Variants in FNDC1 observed in about 807,000 individuals in gnomAD.
FNDC1 encodes fibronectin type III domain containing 1, also known as fibronectin type III domain-containing protein 1.
FNDC1 carries 96 observed loss-of-function variants against 168.0 expected under a neutral mutation model. The observed-to-expected ratio is 0.57, with a 90% CI of 0.48 to 0.68. FNDC1 has a LOEUF of 0.68. FNDC1 is among the 30% of genes least tolerant of loss of function. The pLI, the probability that FNDC1 is intolerant of heterozygous loss-of-function variation, is 0.00. For synonymous variants in FNDC1, 1,099 were observed against 1,025.9 expected (o/e 1.07, Z -1.36); for missense variants, 2,587 against 2,482.1 (o/e 1.04, Z -0.90).
chr6:159,259,202 C>G (rs1777431054), intron 18 of FNDC1, among the ~76,000 whole-genome samples: 1 of 152,110 alleles, frequency 6.6e-6, no homozygotes, highest in Non-Finnish European at 1.5e-5. Context: ...ATACTTTAGC[C>G]CATCAAAAAA....
chr6:159,203,423 A>G (rs551831014), intron 4 of FNDC1, among the ~76,000 whole-genome samples: 14 of 152,174 alleles, frequency 9.2e-5, no homozygotes, highest in Non-Finnish European at 2.1e-4. Context: ...ACCATGCCAG[A>G]GAGTCCTGGA....
chr6:159,213,643 G>A (rs1221638980), intron 4 of FNDC1, among the ~76,000 whole-genome samples: 3 of 151,856 alleles, frequency 2.0e-5, no homozygotes, highest in South Asian at 2.1e-4. Flanking sequence ...CATAAGACCA[G>A]TGTGTGTGTT....
intron 1 of FNDC1, among the ~76,000 whole-genome samples, chr6:159,196,808 A>G (rs1030718023): frequency 6.6e-6 from 1 of 152,234 alleles, no homozygotes; most frequent in African/African-American, 2.4e-5. Context: ...AAGTCAAGAT[A>G]AAAAAGTGAT....
intron 1 of FNDC1, among the ~76,000 whole-genome samples, chr6:159,183,937 T>C (rs1289842068): frequency 6.6e-6 from 1 of 152,272 alleles, no homozygotes; most frequent in African/African-American, 2.4e-5. Context: ...TCTTTGGTTC[T>C]GATTTATCTC....
chr6:159,229,018 T>G (rs1783020142), intron 9 of FNDC1, among the ~76,000 whole-genome samples: 1 of 152,222 alleles, frequency 6.6e-6, no homozygotes, highest in Admixed American at 6.5e-5. Flanking sequence ...TTGGGTTCAT[T>G]GAGAGGAAAT....
chr6:159,232,468 C>A lies in FNDC1; in HGVS notation c.1956C>A (p.Arg652=). Residue 652 remains arginine (R), a synonymous_variant, in exon 11 of 23, where the codon CGC becomes CGA. Transcript: ENST00000297267. This position sits in a 1 kb window ranked among gnomAD's most constrained non-coding sequence, Gnocchi z 4.9. ...TGGTGGACTCAGACGAAGATGAGCGCGCTGTGGGCTCCCTCCACCCCAAGG... is the reference window on the plus strand; with the variant it reads ...TGGTGGACTCAGACGAAGATGAGCGAGCTGTGGGCTCCCTCCACCCCAAGG... ...NDLVDSDEDE[R]AVGSLHPKGA... is the part of the protein sequence containing the mutation. 6.2e-7 allele frequency: 1 copy of A among 1,612,184 alleles called. No homozygotes were observed. The highest frequency in any genetic ancestry group is 8.5e-7 in the Non-Finnish European group (1 of 1,178,988).
chr6:159,190,675 A>C (rs752097672), intron 1 of FNDC1, among the ~76,000 whole-genome samples: 1 of 152,150 alleles, frequency 6.6e-6, no homozygotes, highest in East Asian at 1.9e-4. Flanking sequence ...AATAAACCTG[A>C]TATTTTGCTT....
intron 6 of FNDC1, 33 bp from the exon 7 acceptor site, chr6:159,223,495 A>G (rs1338947603): frequency 2.8e-6 from 4 of 1,451,358 alleles, no homozygotes; most frequent in Non-Finnish European, 3.8e-6. Context: ...GTTGTGAGAG[A>G]AAGCCTTTCT....
At chr6:159,193,693 G>T (rs1447393358) in intron 1 of FNDC1, among the ~76,000 whole-genome samples, 1 of 152,192 alleles carries the variant, frequency 6.6e-6, no homozygotes, top group Non-Finnish European at 1.5e-5. Flanking sequence ...ACATTGAAGA[G>T]CCATTGGAAT....
At chr6:159,210,550 G>A (rs1010408745) in intron 4 of FNDC1, among the ~76,000 whole-genome samples, 2 of 152,240 alleles carry the variant, frequency 1.3e-5, no homozygotes, top group Admixed American at 1.3e-4. Context: ...TGGCATTAAA[G>A]AGGGACTTTA....
chr6:159,173,967 A>G (rs1256870832), intron 1 of FNDC1, among the ~76,000 whole-genome samples: 2 of 152,128 alleles, frequency 1.3e-5, no homozygotes, highest in Non-Finnish European at 2.9e-5. Flanking sequence ...ATTTCGGGAG[A>G]GGCTCCATCA....
chr6:159,234,069 G>A lies in FNDC1; in HGVS notation c.3557G>A (p.Gly1186Glu), dbSNP rs756066825. The change falls in exon 11 of 23, where the codon GGA becomes GAA. Residue 1186 changes from glycine to glutamate, a missense_variant. Coordinates refer to ENST00000297267, the MANE Select transcript of FNDC1 (RefSeq NM_032532.3). Reference protein sequence around the residue: ...SAEDDEEEDAGFFKGGKEDLL... With the variant: ...SAEDDEEEDAEFFKGGKEDLL... The stretch of plus-strand genomic sequence containing the variant: ...GAGGACGACGAGGAGGAGGACGCGG[G>A]ATTTTTTAAAGGCGGGAAAGAAGAC... 1 of 1,612,616 alleles carries A rather than the reference G, an allele frequency of 6.2e-7. No homozygotes were observed. The highest frequency in any genetic ancestry group is 1.3e-5 in the African/African-American group (1 of 75,036).
intron 22 of FNDC1, among the ~76,000 whole-genome samples, chr6:159,269,511 C>CATCCATCT (rs1554229951): frequency 2.8e-4 from 30 of 107,858 alleles, no homozygotes; most frequent in Non-Finnish European, 4.7e-4. Flanking sequence ...TCCATCCATC[C>CATCCATCT]ATGCATCCAT....
chr6:159,269,333 CTATCTATCTATCCATTTGTTTATCTAGG>C (rs1340789949), intron 22 of FNDC1, among the ~76,000 whole-genome samples: 3 of 102,286 alleles, frequency 2.9e-5, no homozygotes, highest in Admixed American at 1.1e-4. Flanking sequence ...AACTATCTAT[CTATCTATCTATCCATTTGTTTATCTAGG>C]TATCCATCCA....
rs143857029 is a variant in FNDC1 at position 159,179,440 on chromosome 6, C to T, written c.109+9735C>T. 5.4e-4 allele frequency among the ~76,000 whole-genome samples: 83 copies of T among 152,306 alleles called. No homozygotes were observed. In the East Asian group the frequency reaches 0.014, roughly 26 times the overall value. ...GGCCACTGCACTCCAGCCTGGGTGA[C>T]AGAGCAAGACTCTGTCTCAAACAAA... On this transcript the variant is annotated intron_variant, in intron 1 of 22. Transcript: ENST00000297267.
At chr6:159,265,567 C>T (rs1418788988) in intron 20 of FNDC1, among the ~76,000 whole-genome samples, 3 of 152,058 alleles carry the variant, frequency 2.0e-5, no homozygotes, top group South Asian at 2.1e-4. Context: ...GTAAATGGAA[C>T]GGCCCAAATG....
intron 16 of FNDC1, among the ~76,000 whole-genome samples, chr6:159,249,921 T>C (rs1323398977): frequency 6.6e-6 from 1 of 152,214 alleles, no homozygotes; most frequent in Non-Finnish European, 1.5e-5. Flanking sequence ...AGCCAAGATG[T>C]AGTGACTGAG....
intron 22 of FNDC1, among the ~76,000 whole-genome samples, chr6:159,268,590 T>C (rs1777639163): frequency 6.6e-6 from 1 of 151,866 alleles, no homozygotes; most frequent in South Asian, 2.1e-4. Flanking sequence ...TATCCGTCTC[T>C]CTCTCTCTAT....
intron 1 of FNDC1, among the ~76,000 whole-genome samples, chr6:159,174,858 C>G (rs1781731771): frequency 6.6e-6 from 1 of 152,202 alleles, no homozygotes; most frequent in South Asian, 2.1e-4. Flanking sequence ...GTACCAGCCT[C>G]AGGAACTGCC....
Sources: allele counts gnomAD v4.1 joint callset (sites outside exome capture counted in the v4.1 genomes callset), GRCh38; gene constraint gnomAD v4.1.1; non-coding constraint Gnocchi (gnomAD v3.1); transcripts MANE v1.5; gene names NCBI Gene and HGNC (gene_info 2026-07-23, HGNC 2026-07-21).